The following LRP1B variants were observed in gnomAD, a reference collection of about 807,000 sequenced individuals.
The protein encoded by LRP1B is LDL receptor related protein 1B, also known as low-density lipoprotein receptor-related protein 1B.
A neutral mutation model predicts 556.6 loss-of-function variants in LRP1B; 217 were observed. The ratio of observed to expected loss-of-function variants is 0.39; its 90% CI spans 0.35 to 0.44. LRP1B has a LOEUF of 0.44. Among genes scored for constraint, LRP1B ranks in the 20% least tolerant of loss-of-function variants. LRP1B has a pLI of 1.00. For synonymous variants in LRP1B, 2,047 were observed against 1,865.8 expected (o/e 1.10, Z -2.50); for missense variants, 5,053 against 5,620.8 (o/e 0.90, Z 3.23).
At chr2:140,298,058 C>G (rs946548439) in intron 83 of LRP1B, 89 bp from the exon 84 acceptor site, 3 of 1,271,650 alleles carry the variant, frequency 2.4e-6, no homozygotes, top group Non-Finnish European at 3.3e-6. Flanking sequence ...AGTTGAGAAG[C>G]CAGGTTTCTG....
intron 32 of LRP1B, among the ~76,000 whole-genome samples, chr2:140,781,936 T>C (rs1689713349): frequency 6.6e-6 from 1 of 152,232 alleles, no homozygotes; most frequent in Non-Finnish European, 1.5e-5. Flanking sequence ...TGAAAGCTCT[T>C]GAGAGCAAGG....
At chr2:140,908,461 A>C (rs979381420) in intron 21 of LRP1B, among the ~76,000 whole-genome samples, 1 of 150,750 alleles carries the variant, frequency 6.6e-6, no homozygotes, top group African/African-American at 2.4e-5. Context: ...TTAAAGATAC[A>C]TTTGTATATT....
At position 140,915,558 on chromosome 2, in the gene LRP1B, G is replaced by A. The variant is rs181889806; in HGVS notation, c.3319+7407C>T. ...AATCCCAGCTACTCAGGAGGCTGAGGCAGATATTGCTTGAACCTGGGGGTT... is the reference window on the plus strand; with the variant it reads ...AATCCCAGCTACTCAGGAGGCTGAGACAGATATTGCTTGAACCTGGGGGTT... On this transcript the variant is annotated intron_variant, in intron 21 of 90. Transcript: ENST00000389484. Among the ~76,000 whole-genome samples the A allele has an allele frequency of 1.7e-4, 26 of 151,956 alleles. No individual in the cohort carries two copies. In the East Asian group the frequency reaches 4.6e-3, roughly 27 times the overall value.
intron 2 of LRP1B, among the ~76,000 whole-genome samples, chr2:141,710,000 G>A (rs936405809): frequency 2.0e-5 from 3 of 151,958 alleles, no homozygotes; most frequent in African/African-American, 7.3e-5. Context: ...GTTCTTTGGG[G>A]TCAATTTTAT....
At chr2:141,046,382 T>C (rs1698870495) in intron 11 of LRP1B, among the ~76,000 whole-genome samples, 1 of 152,068 alleles carries the variant, frequency 6.6e-6, no homozygotes. Flanking sequence ...GAATGACAAG[T>C]TGTCATTTGC....
At chr2:142,059,350 A>G (rs1342706059) in intron 1 of LRP1B, among the ~76,000 whole-genome samples, 1 of 152,122 alleles carries the variant, frequency 6.6e-6, no homozygotes, top group South Asian at 2.1e-4. Flanking sequence ...CCAGAATTCA[A>G]ATCAGGTCTA....
At chr2:140,476,068 A>G (rs986766889) in intron 59 of LRP1B, among the ~76,000 whole-genome samples, 1 of 152,074 alleles carries the variant, frequency 6.6e-6, no homozygotes, top group African/African-American at 2.4e-5. Context: ...TATTGATACT[A>G]TATAATTAGG....
intron 37 of LRP1B, among the ~76,000 whole-genome samples, chr2:140,706,636 T>A (rs1295671262): frequency 2.6e-5 from 4 of 152,076 alleles, no homozygotes; most frequent in African/African-American, 9.7e-5. Context: ...TGAGCACATA[T>A]CATGAGTTAA....
chr2:141,756,694 C>A (rs10928121), intron 2 of LRP1B, among the ~76,000 whole-genome samples: 107,023 of 151,830 alleles, frequency 0.7, 37,819 homozygotes, highest in East Asian at 0.75. Flanking sequence ...AGACATGTTC[C>A]CATACACAAA....
At chr2:141,528,131 G>C (rs1485292707) in intron 2 of LRP1B, among the ~76,000 whole-genome samples, 1 of 151,540 alleles carries the variant, frequency 6.6e-6, no homozygotes, top group Non-Finnish European at 1.5e-5. Context: ...CTCTTCCAGT[G>C]GCTTCTGCTT....
rs76680434 is a variant in LRP1B, at chr2:140,996,966, A to G, written c.2504-2831T>C. Among the ~76,000 whole-genome samples the G allele has an allele frequency of 2.0e-3, 309 of 152,084 alleles. 1 individual carries two copies. The highest frequency in any genetic ancestry group is 7.0e-3 in the African/African-American group (290 of 41,530). On this transcript the variant is annotated intron_variant, in intron 15 of 90. Transcript: ENST00000389484. ...AGCACAGCCAAAAATTGCTTTTAGT[A>G]TATTAACAAGTGATGGAATTGGACA...
At chr2:140,552,390 T>C (rs1229551854) in intron 43 of LRP1B, among the ~76,000 whole-genome samples, 1 of 152,150 alleles carries the variant, frequency 6.6e-6, no homozygotes, top group Non-Finnish European at 1.5e-5. Flanking sequence ...CTAAGTCTAA[T>C]AGTTTAGTTT....
chr2:140,906,415 A>AT (rs1234557004), intron 22 of LRP1B, among the ~76,000 whole-genome samples: 11 of 152,006 alleles, frequency 7.2e-5, no homozygotes, highest in Non-Finnish European at 1.3e-4. Flanking sequence ...CATTTTCTTC[A>AT]TTTTTCTCAA....
chr2:141,088,477 A>C lies in LRP1B; in HGVS notation c.1014-26204T>G, dbSNP rs144856698. On this transcript the variant is annotated intron_variant, in intron 7 of 90. Transcript: ENST00000389484. ...TGCTTGAAAATGACGGCTTGAGACC[A>C]GGAGATTTACCAGAGAAACACACCT... Among the ~76,000 whole-genome samples, 310 of 152,230 alleles carry C rather than the reference A, an allele frequency of 2.0e-3. 2 individuals carry two copies. Among genetic ancestry groups the C allele is most frequent in the African/African-American group, 6.2e-3 (257 of 41,542 alleles).
chr2:140,773,871 CA>C (rs1299975843), intron 33 of LRP1B, among the ~76,000 whole-genome samples: 4 of 151,740 alleles, frequency 2.6e-5, no homozygotes, highest in African/African-American at 9.7e-5. Context: ...ATTTATGTAA[CA>C]AATTTTTGTT....
intron 2 of LRP1B, among the ~76,000 whole-genome samples, chr2:141,628,225 T>C (rs939326740): frequency 3.9e-5 from 6 of 152,208 alleles, no homozygotes; most frequent in African/African-American, 1.4e-4. Context: ...TAAGAATAGA[T>C]GATGAAAATC....
intron 11 of LRP1B, among the ~76,000 whole-genome samples, chr2:141,029,955 CA>C (rs1381878989): frequency 1.3e-5 from 2 of 151,962 alleles, no homozygotes; most frequent in Non-Finnish European, 2.9e-5. Flanking sequence ...CAGTTGAACC[CA>C]AAATAATTCT....
intron 3 of LRP1B, among the ~76,000 whole-genome samples, chr2:141,376,965 A>C (rs1689461792): frequency 6.6e-6 from 1 of 152,194 alleles, no homozygotes; most frequent in African/African-American, 2.4e-5. Flanking sequence ...CGCTTTATTT[A>C]CATTAGATAT....
chr2:140,706,355 T>C (rs912339374), intron 37 of LRP1B, among the ~76,000 whole-genome samples: 6 of 152,180 alleles, frequency 3.9e-5, no homozygotes, highest in Non-Finnish European at 8.8e-5. Context: ...AAAAATACTT[T>C]CTGAAATCTA....
Sources: gnomAD v4.1 joint callset for allele counts (sites outside exome capture counted in the v4.1 genomes callset) on GRCh38, gnomAD v4.1.1 for gene constraint, MANE v1.5 for transcripts, NCBI Gene and HGNC (gene_info 2026-07-23, HGNC 2026-07-21) for gene names.